The following CRB2 variants were observed in gnomAD, a reference collection of about 807,000 sequenced individuals.
CRB2 encodes protein crumbs homolog 2.
Under a neutral mutation model 110.9 loss-of-function variants are expected in CRB2, and 85 were observed. That is an observed-to-expected ratio of 0.77 (90% CI 0.64 to 0.92). CRB2 has a LOEUF of 0.92. Among genes scored for constraint, CRB2 ranks in the 40% least tolerant of loss-of-function variants. The probability of loss-of-function intolerance (pLI) is 0.00; values close to 1 mark genes in which losing one functional copy is unlikely to be tolerated. For synonymous variants in CRB2, 907 were observed against 831.0 expected (o/e 1.09, Z -1.57); for missense variants, 1,843 against 1,851.3 (o/e 1.00, Z 0.08).
Position 123,367,194 on chromosome 9 carries a change from G to C in CRB2, c.777G>C (p.Glu259Asp). 6.2e-7 allele frequency: 1 copy of C among 1,600,668 alleles called. No homozygotes were observed. Among genetic ancestry groups the C allele is most frequent in the Non-Finnish European group, 8.5e-7 (1 of 1,177,952 alleles). ...CAGGCTACAGCGGCGAGCTGTGCGA[G>C]GTGGACGAGGACGAGTGTGCATCGA... ...CWPGYSGELCEVDEDECASSP... is the reference protein window; with the variant it reads ...CWPGYSGELCDVDEDECASSP... Residue 259 changes from glutamate (E) to aspartate (D), a missense_variant, in exon 5 of 13, where the codon GAG (glutamate) becomes GAC (aspartate). By Grantham distance (45) the Glu-to-Asp change is conservative. Transcript: ENST00000373631.
chr9:123,361,737 G>C (rs527414799), intron 1 of CRB2, among the ~76,000 whole-genome samples: 1 of 152,304 alleles, frequency 6.6e-6, no homozygotes, highest in South Asian at 2.1e-4. Context: ...TTTGATGAGG[G>C]GATTCTTTTA....
In CRB2 at chr9:123,376,928, C is replaced by T. The variant is rs1419955317; in HGVS notation, c.3724C>T (p.Leu1242Phe). 3 of 1,608,220 alleles carry T rather than the reference C, an allele frequency of 1.9e-6. No individual in the cohort carries two copies. Among genetic ancestry groups the T allele is most frequent in the Admixed American group, 3.4e-5 (2 of 59,320 alleles). ...ACLLLLLLGL[L>F]SGILAARKRR... ...CCTCCTCCTCCTCCTCCTGGGCCTC[C>T]TTTCAGGGATCCTGGCAGCCCGAAA... Residue 1242 changes from leucine to phenylalanine, a missense_variant, in exon 13 of 13, where the codon CTT becomes TTT. By Grantham distance (22) the Leu-to-Phe change is conservative (BLOSUM62 0). Transcript: ENST00000373631.
At chr9:123,354,300 C>T (rs1338193281), upstream of CRB2, among the ~76,000 whole-genome samples, 1 of 152,214 alleles carries the variant, frequency 6.6e-6, no homozygotes, top group African/African-American at 2.4e-5. Context: ...ACTGGACCTG[C>T]GCCGGGTGAC....
chr9:123,362,723 G>A, intron 1 of CRB2, 142 bp from the exon 2 acceptor site: 1 of 738,304 alleles, frequency 1.4e-6, no homozygotes, highest in Non-Finnish European at 2.2e-6. Flanking sequence ...GACCTGGCTT[G>A]CAGACCCCTG....
At position 123,377,415 on chromosome 9, in the gene CRB2, A is replaced by C. The variant is rs2042119865; in HGVS notation, c.*353A>C. ...GGGCCTGTGTTAGTCTGCAGATGCT[A>C]GTGTGAGTGTGTCCTGACATGGCTC... is the stretch of plus-strand genomic sequence containing the variant. On this transcript the variant is annotated 3_prime_UTR_variant, in exon 13 of 13. Transcript: ENST00000373631. 8.9e-6 allele frequency: 2 copies of C among 223,534 alleles called. No homozygotes were observed. Among genetic ancestry groups the C allele is most frequent in the East Asian group, 2.0e-4 (2 of 9,774 alleles). The allele number at this position is 223,534 out of a possible 1,614,324, so 13.8% of individuals were successfully genotyped here. A position where few individuals can be genotyped will look rare whatever the true frequency, so the allele number is the denominator to read the frequency against.
At position 123,372,324 on chromosome 9, in the gene CRB2, G is replaced by A; in HGVS notation, c.2584G>A (p.Val862Ile). ...PCLPPATCEE[V>I]PDGFVCVAEA... ...TCTCCCACCTGCCACGTGTGAGGAGGTCCCTGATGGCTTTGTGTGTGAGTG... is the reference window on the plus strand; with the variant it reads ...TCTCCCACCTGCCACGTGTGAGGAGATCCCTGATGGCTTTGTGTGTGAGTG... The change falls in exon 9 of 13, where the codon GTC (valine) becomes ATC (isoleucine). Residue 862 changes from valine (V) to isoleucine (I), a missense_variant. Coordinates refer to ENST00000373631, the MANE Select transcript of CRB2 (RefSeq NM_173689.7). 6.2e-7 allele frequency: 1 copy of A among 1,601,810 alleles called. No individual in the cohort carries two copies. The highest frequency in any genetic ancestry group is 8.5e-7 in the Non-Finnish European group (1 of 1,173,646).
chr9:123,374,761 G>C (rs946806266), intron 11 of CRB2, 66 bp downstream of exon 11: 16 of 1,165,656 alleles, frequency 1.4e-5, no homozygotes, highest in South Asian at 6.6e-5. Flanking sequence ...CCTCCAGCCA[G>C]GGTGGGGCGG....
Position 123,366,232 on chromosome 9 carries a change from G to A in CRB2, c.620G>A (p.Arg207Gln), listed in dbSNP as rs766495063. 1.3e-5 allele frequency: 19 copies of A among 1,463,770 alleles called. No individual in the cohort carries two copies. The South Asian group carries it at 1.7e-4, about 13-fold the overall frequency. The allele number at this position is 1,463,770 out of a possible 1,614,324, so 90.7% of individuals were successfully genotyped here. A position where few individuals can be genotyped will look rare whatever the true frequency, so the allele number is the denominator to read the frequency against. The change falls in exon 4 of 13, where the codon CGG (arginine) becomes CAG (glutamine). Residue 207 changes from arginine to glutamine, a missense_variant. Arg to Gln is a conservative substitution (Grantham distance 43). Coordinates refer to ENST00000373631, the MANE Select transcript of CRB2 (RefSeq NM_173689.7). ...CGCCGGTGCGCCCTCCCCAGGTTCC[G>A]GTGCGACTGCGCGGGCACCGGCTAC... ...GTCHDLVNGF[R>Q]CDCAGTGYEG... is the part of the protein sequence containing the mutation.
intron 6 of CRB2, among the ~76,000 whole-genome samples, chr9:123,369,390 A>T (rs2041981498): frequency 6.6e-6 from 1 of 152,204 alleles, no homozygotes; most frequent in African/African-American, 2.4e-5. Context: ...AATACTTTTA[A>T]TACAGGGTTC....
At chr9:123,379,200 T>C (rs1439797846), downstream of CRB2, among the ~76,000 whole-genome samples, 1 of 152,060 alleles carries the variant, frequency 6.6e-6, no homozygotes, top group Non-Finnish European at 1.5e-5. Context: ...GTGGTGTGAC[T>C]GGGCATGTTC....
chr9:123,373,589 G>GGCGGCCTGCCCCTGCCCTTGGC lies in CRB2; in HGVS notation c.3065_3086dup (p.Arg1030AlafsTer51). On this transcript the variant is annotated frameshift_variant, in exon 10 of 13. Coordinates refer to ENST00000373631, the MANE Select transcript of CRB2 (RefSeq NM_173689.7). LOFTEE classifies it high-confidence loss of function. ...CGGCTGCTTGGGCCGCGTGGCGCTGGGCGGCCTGCCCCTGCCCTTGGCGCG... is the reference window on the plus strand; with the variant it reads ...CGGCTGCTTGGGCCGCGTGGCGCTGGGCGGCCTGCCCCTGCCCTTGGCGCGGCCTGCCCCTGCCCTTGGCGCG... The GGCGGCCTGCCCCTGCCCTTGGC allele has an allele frequency of 6.9e-7, 1 of 1,439,984 alleles. No homozygotes were observed. The highest frequency in any genetic ancestry group is 9.1e-7 in the Non-Finnish European group (1 of 1,098,092). The allele number at this position is 1,439,984 out of a possible 1,614,324, so 89.2% of individuals were successfully genotyped here. A position where few individuals can be genotyped will look rare whatever the true frequency, so the allele number is the denominator to read the frequency against.
In CRB2 at chr9:123,370,828, C is replaced by T; in HGVS notation, c.1775C>T (p.Pro592Leu). 3 of 1,605,940 alleles carry T rather than the reference C, an allele frequency of 1.9e-6. No individual in the cohort carries two copies. The highest frequency in any genetic ancestry group is 1.3e-5 in the African/African-American group (1 of 75,004). Residue 592 changes from proline to leucine, a missense_variant, in exon 7 of 13, where the codon CCT becomes CTT. Transcript: ENST00000373631. ...DVRVDGHLLL[P>L]EDLGENVLLG... ...CGTGTGGATGGCCACCTCCTGCTGC[C>T]TGAGGATCTCGGTGAGAACGTCCTC... is the stretch of plus-strand genomic sequence containing the variant.
chr9:123,371,275 C>T lies in CRB2; in HGVS notation c.2133C>T (p.Gly711=). ...GTCGGATCCGGGCTGAGGTGCCGGG[C>T]AGTCCTGCTGTAGTGCTCCCTGGGC... is the stretch of plus-strand genomic sequence containing the variant. ...SEGRIRAEVP[G]SPAVVLPGRW... is the part of the protein sequence containing the mutation. Residue 711 remains glycine, a synonymous_variant, in exon 8 of 13, where the codon GGC becomes GGT. Transcript: ENST00000373631. 2 of 1,613,848 alleles carry T rather than the reference C, an allele frequency of 1.2e-6. No homozygotes were observed. Among genetic ancestry groups the T allele is most frequent in the Non-Finnish European group, 8.5e-7 (1 of 1,179,964 alleles).
At position 123,362,962 on chromosome 9, in the gene CRB2, G is replaced by C; in HGVS notation, c.192G>C (p.Gly64=). 1 of 1,611,378 alleles carries C rather than the reference G, an allele frequency of 6.2e-7. No individual in the cohort carries two copies. The highest frequency in any genetic ancestry group is 8.5e-7 in the Non-Finnish European group (1 of 1,178,714). ...CCGAGAGTGGTGGCTATACCTGTGG[G>C]CCCATGGAGCCCCGGGGCTGTGCCA... ...QATESGGYTC[G]PMEPRGCATQ... Residue 64 remains glycine, a synonymous_variant, in exon 2 of 13, where the codon GGG becomes GGC. Transcript: ENST00000373631.
Position 123,373,260 on chromosome 9 carries a change from T to A in CRB2, c.2729T>A (p.Leu910Gln). The change falls in exon 10 of 13, where the codon CTG becomes CAG. Residue 910 changes from leucine to glutamine, a missense_variant. Transcript: ENST00000373631. ...ACGCGCGACTCCGAGGCCTGGCTGC[T>A]GCGTGCCGCGGCGGGCGCCCTGGAA... ...FRTRDSEAWL[L>Q]RAAAGALEGV... The A allele has an allele frequency of 6.7e-7, 1 of 1,490,926 alleles. No homozygotes were observed. The highest frequency in any genetic ancestry group is 8.9e-7 in the Non-Finnish European group (1 of 1,129,234). The allele number at this position is 1,490,926 out of a possible 1,614,324, so 92.4% of individuals were successfully genotyped here.
chr9:123,368,710 G>T lies in CRB2; in HGVS notation c.1054+1024G>T, dbSNP rs537191541. The T allele has an allele frequency of 1.4e-5, 14 of 1,014,788 alleles. No individual in the cohort carries two copies. In the East Asian group the frequency reaches 1.5e-3, roughly 111 times the overall value. The allele number at this position is 1,014,788 out of a possible 1,614,324, so 62.9% of individuals were successfully genotyped here. On this transcript the variant is annotated intron_variant, in intron 6 of 12. Coordinates refer to ENST00000373631, the MANE Select transcript of CRB2 (RefSeq NM_173689.7). ...CCAGGGAGGGGGGACCCCAGCTGCA[G>T]GGCTGGGCTCTTTGCCCATCCTCCC... is the stretch of plus-strand genomic sequence containing the variant.
chr9:123,368,011 G>A (rs1293956941), intron 6 of CRB2, among the ~76,000 whole-genome samples: 1 of 151,962 alleles, frequency 6.6e-6, no homozygotes, highest in Non-Finnish European at 1.5e-5. Context: ...GAGTTAGGGG[G>A]CAGCATCTGT....
chr9:123,356,223 T>G lies in CRB2; in HGVS notation c.-38T>G, dbSNP rs1369862809. ...CGGAGCCAGCCAGGCCGCCCTCCCG[T>G]TCTCACAGCAGCCGAGCAGAGCGCA... On this transcript the variant is annotated 5_prime_UTR_variant, in exon 1 of 13. Coordinates refer to ENST00000373631, the MANE Select transcript of CRB2 (RefSeq NM_173689.7). 1 of 1,371,686 alleles carries G rather than the reference T, an allele frequency of 7.3e-7. No homozygotes were observed. Among genetic ancestry groups the G allele is most frequent in the East Asian group, 2.8e-5 (1 of 35,998 alleles). 85.0% of individuals were successfully genotyped at this position (1,371,686 alleles called of 1,614,324 possible).
At position 123,362,886 on chromosome 9, in the gene CRB2, C is replaced by A; in HGVS notation, c.116C>A (p.Pro39His). The A allele has an allele frequency of 6.3e-7, 1 of 1,587,848 alleles. No homozygotes were observed. Among genetic ancestry groups the A allele is most frequent in the Non-Finnish European group, 8.6e-7 (1 of 1,159,610 alleles). ...ACAGGGACGGTGCCTTCAGAGCCCC[C>A]CAGTGCCTGTGCCTCAGACCCGTGC... is the stretch of plus-strand genomic sequence containing the variant. Reference protein sequence around the residue: ...LLAGTVPSEPPSACASDPCAP... With the variant: ...LLAGTVPSEPHSACASDPCAP... The change falls in exon 2 of 13, where the codon CCC becomes CAC. Residue 39 changes from proline (P) to histidine (H), a missense_variant. Pro to His is a moderately conservative substitution (Grantham distance 77). Coordinates refer to ENST00000373631, the MANE Select transcript of CRB2 (RefSeq NM_173689.7).
Sources: allele counts gnomAD v4.1 joint callset (sites outside exome capture counted in the v4.1 genomes callset), GRCh38; gene constraint gnomAD v4.1.1; transcripts MANE v1.5; gene names NCBI Gene and HGNC (gene_info 2026-07-23, HGNC 2026-07-21).